The following GALNT7 variants were observed in gnomAD, a reference collection of about 807,000 sequenced individuals.
GALNT7 encodes polypeptide N-acetylgalactosaminyltransferase 7.
Under a neutral mutation model 82.1 loss-of-function variants are expected in GALNT7, and 60 were observed. That is an observed-to-expected ratio of 0.73 (90% confidence interval 0.59 to 0.91). GALNT7 has a LOEUF of 0.91. Ranked by LOEUF, GALNT7 falls within the 40% of genes least tolerant of loss-of-function variation. GALNT7 has a pLI of 0.00. For synonymous variants in GALNT7, 243 were observed against 275.1 expected (o/e 0.88, Z 1.15); for missense variants, 660 against 804.2 (o/e 0.82, Z 2.17).
chr4:173,238,595 G>A (rs1017792153), intron 1 of GALNT7, among the ~76,000 whole-genome samples: 2 of 152,074 alleles, frequency 1.3e-5, no homozygotes, highest in African/African-American at 4.8e-5. Context: ...ATCACCTTTT[G>A]AAATATACTA....
chr4:173,258,823 C>T (rs1561177326), intron 2 of GALNT7, among the ~76,000 whole-genome samples: 1 of 152,160 alleles, frequency 6.6e-6, no homozygotes, highest in Non-Finnish European at 1.5e-5. Flanking sequence ...CAGTTTGCTA[C>T]AGGACATTAA....
chr4:173,301,860 T>C (rs183573683), intron 6 of GALNT7, among the ~76,000 whole-genome samples, 187 bp from the exon 7 acceptor site: 5 of 152,346 alleles, frequency 3.3e-5, no homozygotes, highest in African/African-American at 1.2e-4. Context: ...TTGTGGTAAA[T>C]TCGTTAGGGA....
At chr4:173,230,893 T>A (rs967377001) in intron 1 of GALNT7, among the ~76,000 whole-genome samples, 3 of 152,230 alleles carry the variant, frequency 2.0e-5, no homozygotes, top group Admixed American at 1.3e-4. Context: ...AGGCATTTGA[T>A]AAATTTTTGG....
chr4:173,316,514 G>A (rs1580018907), intron 9 of GALNT7: 1 of 152,066 alleles, frequency 6.6e-6, no homozygotes. Flanking sequence ...TTCCCAGAGT[G>A]AATGGAGGCA....
chr4:173,273,918 A>C (rs1202182700), intron 2 of GALNT7, among the ~76,000 whole-genome samples: 2 of 152,190 alleles, frequency 1.3e-5, no homozygotes, highest in East Asian at 3.8e-4. Flanking sequence ...TAAGTTATCT[A>C]TACATCCATG....
chr4:173,286,468 G>A (rs1027517116), intron 2 of GALNT7, among the ~76,000 whole-genome samples: 4 of 152,234 alleles, frequency 2.6e-5, no homozygotes, highest in African/African-American at 9.6e-5. Context: ...AGCTGCCATT[G>A]TAACTGCTTA....
chr4:173,266,191 C>T (rs905384700), intron 2 of GALNT7, among the ~76,000 whole-genome samples: 1 of 152,086 alleles, frequency 6.6e-6, no homozygotes, highest in Non-Finnish European at 1.5e-5. Flanking sequence ...ACCCGAGAGG[C>T]GGACGTTGCA....
At chr4:173,198,226 A>ATTTTTTTT (rs35936188) in intron 1 of GALNT7, among the ~76,000 whole-genome samples, 3 of 138,912 alleles carry the variant, frequency 2.2e-5, no homozygotes, top group Non-Finnish European at 3.1e-5. Context: ...TGCCTGGCTA[A>ATTTTTTTT]TTTTTTTTTT....
chr4:173,283,610 T>C (rs1736199584), intron 2 of GALNT7, among the ~76,000 whole-genome samples: 1 of 138,408 alleles, frequency 7.2e-6, no homozygotes, highest in Non-Finnish European at 1.5e-5. Context: ...GCACTCGGCC[T>C]GGGCGACAGA....
chr4:173,313,944 T>TA lies in GALNT7; in HGVS notation c.1390-14_1390-13insA, dbSNP rs557206198. The TA allele has an allele frequency of 3.5e-3, 3,093 of 891,088 alleles. 34 individuals carry two copies. The highest frequency in any genetic ancestry group is 0.032 in the African/African-American group (1,571 of 49,414). 55.2% of individuals were successfully genotyped at this position (891,088 alleles called of 1,614,324 possible). ...TTTTATAACGATATATATATATATA[T>TA]TTTTTTTTTACAGAATTATGTTAGA... On this transcript the variant is annotated splice_polypyrimidine_tract_variant and intron_variant, in intron 8 of 11. Transcript: ENST00000265000.
chr4:173,312,581 C>T (rs370774779), intron 8 of GALNT7, among the ~76,000 whole-genome samples: 1 of 152,248 alleles, frequency 6.6e-6, no homozygotes. Context: ...CATTGGGCAT[C>T]ACATTTCAAC....
At chr4:173,270,614 T>C (rs1329751065) in intron 2 of GALNT7, among the ~76,000 whole-genome samples, 1 of 152,226 alleles carries the variant, frequency 6.6e-6, no homozygotes, top group East Asian at 1.9e-4. Context: ...TCAAAAGATA[T>C]AATTTTTCCT....
intron 2 of GALNT7, among the ~76,000 whole-genome samples, chr4:173,262,524 A>G (rs1735313571): frequency 6.6e-6 from 1 of 152,112 alleles, no homozygotes; most frequent in Non-Finnish European, 1.5e-5. Flanking sequence ...CATATTTCCA[A>G]ATTTCTTAGT....
intron 1 of GALNT7, among the ~76,000 whole-genome samples, chr4:173,234,746 CTTCACTGTAAT>C (rs1734156927): frequency 1.3e-5 from 2 of 152,310 alleles, no homozygotes; most frequent in African/African-American, 4.8e-5. Flanking sequence ...TCAGTGCCAT[CTTCACTGTAAT>C]AAGTGAGTTC....
intron 1 of GALNT7, among the ~76,000 whole-genome samples, chr4:173,234,273 A>G (rs1219034447): frequency 6.6e-6 from 1 of 151,990 alleles, no homozygotes; most frequent in African/African-American, 2.4e-5. Context: ...TCACTTTATA[A>G]TCTCTCCATC....
At chr4:173,306,102 A>AT (rs1737145928) in intron 8 of GALNT7, among the ~76,000 whole-genome samples, 1 of 151,778 alleles carries the variant, frequency 6.6e-6, no homozygotes, top group South Asian at 2.1e-4. Context: ...CAGCATGTAG[A>AT]TTTTTTCACC....
intron 1 of GALNT7, among the ~76,000 whole-genome samples, chr4:173,182,396 T>C (rs9999740): frequency 0.41 from 62,058 of 152,028 alleles, 14,189 homozygotes; most frequent in East Asian, 0.66. Context: ...ATTCCTTTAA[T>C]TCTTTTTAAA....
intron 2 of GALNT7, among the ~76,000 whole-genome samples, chr4:173,253,359 A>T (rs1240246736): frequency 2.6e-5 from 4 of 152,204 alleles, no homozygotes; most frequent in African/African-American, 7.2e-5. Context: ...GTGGAGGGAA[A>T]TACAGCTGGG....
chr4:173,179,875 A>G (rs570925381), intron 1 of GALNT7, among the ~76,000 whole-genome samples: 2 of 152,372 alleles, frequency 1.3e-5, no homozygotes, highest in East Asian at 3.9e-4. Flanking sequence ...GAAGTTCTCT[A>G]GAAGTTCTTG....
Sources: allele counts gnomAD v4.1 joint callset (sites outside exome capture counted in the v4.1 genomes callset), GRCh38; gene constraint gnomAD v4.1.1; transcripts MANE v1.5; gene names NCBI Gene and HGNC (gene_info 2026-07-23, HGNC 2026-07-21).